Variants in SECISBP2L observed in about 807,000 individuals in gnomAD.
SECISBP2L encodes the protein selenocysteine insertion sequence-binding protein 2-like.
A neutral mutation model predicts 114.7 loss-of-function variants in SECISBP2L; 43 were observed. The observed-to-expected ratio is 0.38, with a 90% CI of 0.29 to 0.48. SECISBP2L has a LOEUF of 0.48. Ranked by LOEUF, SECISBP2L falls within the 20% of genes least tolerant of loss-of-function variation. The pLI is 0.98. For synonymous variants in SECISBP2L, 451 were observed against 439.7 expected, an observed-to-expected ratio of 1.03 and a Z score of -0.32; for missense variants, 1,136 against 1,301.1, an observed-to-expected ratio of 0.87 and a Z score of 1.95.
At chr15:49,030,534 T>C (rs900922709) in intron 4 of SECISBP2L, among the ~76,000 whole-genome samples, 2 of 152,240 alleles carry the variant, frequency 1.3e-5, no homozygotes, top group Admixed American at 6.5e-5. Context: ...ATATATCTCA[T>C]GCTAATCCTT....
chr15:49,017,572 A>C lies in SECISBP2L; in HGVS notation c.1227T>G (p.Ile409Met). The change falls in exon 9 of 18, where the codon ATT becomes ATG. Residue 409 changes from isoleucine to methionine, a missense_variant. Around this residue, in one of 2 missense-constraint regions of SECISBP2L, gnomAD observed 684 missense variants for 848.7 expected, o/e 0.81. Coordinates refer to ENST00000559471, the MANE Select transcript of SECISBP2L (RefSeq NM_001193489.2). ...NENGNAKDEN[I>M]QQKLSSKVLD... is the part of the protein sequence containing the mutation. ...CTACTTTAGAAGAAAGTTTTTGTTG[A>C]ATATTCTCATCCTTAGCATTTCCAT... is the stretch of plus-strand genomic sequence containing the variant. 6.2e-7 allele frequency: 1 copy of C among 1,606,134 alleles called. No individual in the cohort carries two copies. The highest frequency in any genetic ancestry group is 8.5e-7 in the Non-Finnish European group (1 of 1,176,536).
intron 17 of SECISBP2L, among the ~76,000 whole-genome samples, chr15:48,994,864 CT>C (rs1267551225): frequency 6.9e-6 from 1 of 144,130 alleles, no homozygotes; most frequent in African/African-American, 2.6e-5. Flanking sequence ...AAAAAACAGT[CT>C]AGTAAGTGAA....
chr15:49,017,550 CTTTAGAAGAAAGTTT>C lies in SECISBP2L; in HGVS notation c.1234_1248del (p.Lys412_Lys416del), dbSNP rs1023602966. The C allele has an allele frequency of 6.3e-7, 1 of 1,586,710 alleles. No individual in the cohort carries two copies. Among genetic ancestry groups the C allele is most frequent in the African/African-American group, 1.3e-5 (1 of 74,140 alleles). On this transcript the variant is annotated inframe_deletion, in exon 9 of 18. Coordinates refer to ENST00000559471, the MANE Select transcript of SECISBP2L (RefSeq NM_001193489.2). ...TTTCTTTTTAAAGAGTTACTTACTACTTTAGAAGAAAGTTTTTGTTGAATATTCTCATCCTTAGCA... is the reference window on the plus strand; with the variant it reads ...TTTCTTTTTAAAGAGTTACTTACTACTTGTTGAATATTCTCATCCTTAGCA...
chr15:49,018,370 C>T (rs1431038436), intron 8 of SECISBP2L, among the ~76,000 whole-genome samples: 1 of 151,914 alleles, frequency 6.6e-6, no homozygotes, highest in Non-Finnish European at 1.5e-5. Flanking sequence ...AATTCTCCTG[C>T]CTCAGCCTCC....
chr15:49,023,400 C>A (rs1007028137), intron 7 of SECISBP2L, among the ~76,000 whole-genome samples: 1 of 152,174 alleles, frequency 6.6e-6, no homozygotes, highest in Non-Finnish European at 1.5e-5. Context: ...CTGGCATACA[C>A]CCCAAATCCT....
At chr15:49,018,792 C>A (rs934932190) in intron 8 of SECISBP2L, among the ~76,000 whole-genome samples, 1 of 152,110 alleles carries the variant, frequency 6.6e-6, no homozygotes, top group African/African-American at 2.4e-5. Context: ...CCTGTCTCTG[C>A]GCTCAACTCT....
chr15:49,034,864 T>C (rs11636296), intron 3 of SECISBP2L, among the ~76,000 whole-genome samples: 24,461 of 151,920 alleles, frequency 0.16, 2,546 homozygotes, highest in Middle Eastern at 0.27. Context: ...GGGTTTCGCA[T>C]GTTGCCCAGA....
At chr15:49,013,503 G>A (rs551100662) in intron 11 of SECISBP2L, among the ~76,000 whole-genome samples, 1 of 152,214 alleles carries the variant, frequency 6.6e-6, no homozygotes, top group South Asian at 2.1e-4. Flanking sequence ...CACCATGTTG[G>A]CCAGGATGGT....
At chr15:49,002,499 G>T (rs974241022) in intron 14 of SECISBP2L, among the ~76,000 whole-genome samples, 13 of 152,054 alleles carry the variant, frequency 8.5e-5, no homozygotes, top group African/African-American at 3.1e-4. Context: ...CATTGCTTTT[G>T]GTGTTTTAGT....
chr15:49,015,473 T>G (rs1198771743), intron 11 of SECISBP2L, among the ~76,000 whole-genome samples: 1 of 152,196 alleles, frequency 6.6e-6, no homozygotes, highest in Non-Finnish European at 1.5e-5. Flanking sequence ...CTGTAATTTA[T>G]CTTTCTGTCT....
rs1901989657 is a variant in SECISBP2L, at chr15:48,992,157, G to A, written c.*87C>T. On this transcript the variant is annotated 3_prime_UTR_variant, in exon 18 of 18. Coordinates refer to ENST00000559471, the MANE Select transcript of SECISBP2L (RefSeq NM_001193489.2). ...GAATTAAATACGTATATTAAATACT[G>A]GACAGTGCAAAATGTTGAGATGAAG... is the stretch of plus-strand genomic sequence containing the variant. The A allele has an allele frequency of 8.0e-6, 10 of 1,255,104 alleles. No homozygotes were observed. The South Asian group carries it at 1.2e-4, about 15-fold the overall frequency. 77.7% of individuals were successfully genotyped at this position (1,255,104 alleles called of 1,614,324 possible).
At chr15:49,019,345 A>C (rs1248374127) in intron 8 of SECISBP2L, 73 bp downstream of exon 8, 4 of 1,196,466 alleles carry the variant, frequency 3.3e-6, no homozygotes, top group Non-Finnish European at 4.3e-6. Flanking sequence ...CACAATGTTC[A>C]CAATGTAACA....
intron 6 of SECISBP2L, 93 bp from the exon 7 acceptor site, chr15:49,027,573 G>T: frequency 1.6e-6 from 1 of 637,008 alleles, no homozygotes; most frequent in Non-Finnish European, 2.6e-6. Context: ...TCAGTCACTA[G>T]AAATGTAATA....
chr15:49,016,133 T>G (rs1902531159), intron 11 of SECISBP2L, among the ~76,000 whole-genome samples: 1 of 152,196 alleles, frequency 6.6e-6, no homozygotes, highest in Non-Finnish European at 1.5e-5. Flanking sequence ...TGTTAGAGGA[T>G]TCTGAGCAGT....
intron 6 of SECISBP2L, 67 bp from the exon 7 acceptor site, chr15:49,027,547 C>T: frequency 1.2e-6 from 1 of 859,260 alleles, no homozygotes; most frequent in Admixed American, 2.2e-5. Context: ...ATTGACCTGA[C>T]TTCACATACT....
At position 48,989,833 on chromosome 15, in the gene SECISBP2L, T is replaced by C. The variant is rs980862762; in HGVS notation, c.*2411A>G. Reference sequence around the variant, plus strand: ...CACTTCAAAAAATATATAAAAACTTTCCTAATTTTCACAACTCCTCCAAAG... The same window carrying C: ...CACTTCAAAAAATATATAAAAACTTCCCTAATTTTCACAACTCCTCCAAAG... On this transcript the variant is annotated 3_prime_UTR_variant, in exon 18 of 18. Coordinates refer to ENST00000559471, the MANE Select transcript of SECISBP2L (RefSeq NM_001193489.2). 19 of 152,508 alleles carry C rather than the reference T, an allele frequency of 1.2e-4. No individual in the cohort carries two copies. The highest frequency in any genetic ancestry group is 4.1e-4 in the African/African-American group (17 of 41,450). 9.4% of individuals were successfully genotyped at this position (152,508 alleles called of 1,614,324 possible).
Position 49,012,699 on chromosome 15 carries a change from T to C in SECISBP2L, c.1680A>G (p.Lys560=), listed in dbSNP as rs1247670797. Reference sequence around the variant, plus strand: ...GTTTTGCAATTTCCTTCTCTTTTCCTTTTTTTGCTTTAGAAGAAGCAATGT... The same window carrying C: ...GTTTTGCAATTTCCTTCTCTTTTCCCTTTTTTGCTTTAGAAGAAGCAATGT... ...SVDIASSKAK[K]GKEKEIAKLK... Residue 560 remains lysine (K), a synonymous_variant, in exon 12 of 18, where the codon AAA becomes AAG. Coordinates refer to ENST00000559471, the MANE Select transcript of SECISBP2L (RefSeq NM_001193489.2). 2.5e-6 allele frequency: 4 copies of C among 1,612,972 alleles called. No individual in the cohort carries two copies. The African/African-American group carries it at 5.3e-5, about 22-fold the overall frequency.
chr15:49,041,016 C>T (rs1403194956), intron 1 of SECISBP2L, among the ~76,000 whole-genome samples: 2 of 151,666 alleles, frequency 1.3e-5, no homozygotes, highest in East Asian at 3.9e-4. Context: ...GAACGTTATT[C>T]CTCAGTTTGA....
Position 48,996,464 on chromosome 15 carries a change from G to A in SECISBP2L, c.2526C>T (p.His842=). The change falls in exon 17 of 18, where the codon CAC becomes CAT. Residue 842 remains histidine (H), a synonymous_variant. Coordinates refer to ENST00000559471, the MANE Select transcript of SECISBP2L (RefSeq NM_001193489.2). ...EALKNVKKVP[H]HMGHSRNPSA... is the part of the protein sequence containing the mutation. ...AGGGATTCCGAGAATGTCCCATGTGGTGTGGTACCTTCTTCACATTCTTTA... is the reference window on the plus strand; with the variant it reads ...AGGGATTCCGAGAATGTCCCATGTGATGTGGTACCTTCTTCACATTCTTTA... 6.2e-7 allele frequency: 1 copy of A among 1,614,080 alleles called. No homozygotes were observed. Among genetic ancestry groups the A allele is most frequent in the South Asian group, 1.1e-5 (1 of 91,078 alleles).
Sources: gnomAD v4.1 joint callset for allele counts (sites outside exome capture counted in the v4.1 genomes callset) on GRCh38, gnomAD v4.1.1 for gene constraint, gnomAD v4.1.1 regional missense constraint, MANE v1.5 for transcripts, NCBI Gene and HGNC (gene_info 2026-07-23, HGNC 2026-07-21) for gene names.